Variants in SLC16A13 observed in about 807,000 individuals in gnomAD.
SLC16A13 encodes the protein solute carrier family 16 member 13.
In SLC16A13, 28 loss-of-function variants were observed where a neutral mutation model predicts 28.1. The observed-to-expected ratio is 1.00, with a 90% CI of 0.74 to 1.37. The LOEUF (loss-of-function observed/expected upper bound fraction) is 1.37. Ranked by LOEUF, SLC16A13 falls within the 40% of genes most tolerant of loss-of-function variation. The pLI is 0.00. For synonymous variants in SLC16A13, 228 were observed against 241.6 expected (o/e 0.94, Z 0.52); for missense variants, 482 against 531.8 (o/e 0.91, Z 0.92).
Position 7,038,904 on chromosome 17 carries a change from G to A in SLC16A13, c.1081+15G>A, listed in dbSNP as rs767713519. 4 of 1,590,228 alleles carry A rather than the reference G, an allele frequency of 2.5e-6. No individual in the cohort carries two copies. Among genetic ancestry groups the A allele is most frequent in the Non-Finnish European group, 3.4e-6 (4 of 1,168,508 alleles). On this transcript the variant is annotated intron_variant, in intron 3 of 3. Coordinates refer to ENST00000308027, the MANE Select transcript of SLC16A13 (RefSeq NM_201566.3). This position sits in a 1 kb window ranked among gnomAD's most constrained non-coding sequence, Gnocchi z 5.7. ...TCCTCTCTCAGGTAAGTGGAATGGG[G>A]TTCCCAGGGGGTGAGGGCTGCCATG...
In SLC16A13 at chr17:7,036,734, A is replaced by G. The variant is rs200880566; in HGVS notation, c.207A>G (p.Val69=). ...GIAVQQFGSP[V]GSALSTKFGP... is the part of the protein sequence containing the mutation. ...CCCCTTCCACTTCCTCAGGCCCGGT[A>G]GGCAGTGCCCTGAGCACGAAGTTCG... is the stretch of plus-strand genomic sequence containing the variant. Residue 69 remains valine (V), a synonymous_variant, in exon 2 of 4, where the codon GTA becomes GTG. Transcript: ENST00000308027. 3.1e-6 allele frequency: 5 copies of G among 1,612,642 alleles called. No individual in the cohort carries two copies. In the African/African-American group the frequency reaches 6.7e-5, roughly 22 times the overall value.
At chr17:7,037,778 A>G (rs978659459) in intron 2 of SLC16A13, among the ~76,000 whole-genome samples, 3 of 152,162 alleles carry the variant, frequency 2.0e-5, no homozygotes, top group Admixed American at 6.5e-5. Context: ...TGAAATCGAT[A>G]TCATTATTGG....
chr17:7,036,770 C>G lies in SLC16A13; in HGVS notation c.243C>G (p.Pro81=). The change falls in exon 2 of 4, where the codon CCC becomes CCG. Residue 81 remains proline (P), a synonymous_variant. Transcript: ENST00000308027. ...TGAGCACGAAGTTCGGGCCCAGGCC[C>G]GTGGTGATGACTGGAGGCATCTTGG... ...SALSTKFGPR[P]VVMTGGILAA... is the part of the protein sequence containing the mutation. The G allele has an allele frequency of 6.2e-7, 1 of 1,613,752 alleles. No homozygotes were observed. The highest frequency in any genetic ancestry group is 8.5e-7 in the Non-Finnish European group (1 of 1,180,040).
Position 7,036,543 on chromosome 17 carries a change from G to A in SLC16A13, c.161G>A (p.Trp54Ter), listed in dbSNP as rs747175215. 1 of 1,612,472 alleles carries A rather than the reference G, an allele frequency of 6.2e-7. No individual in the cohort carries two copies. The change falls in exon 1 of 4, where the codon TGG becomes TAG. Residue 54 changes from tryptophan to a stop codon, truncating the protein, a stop_gained. Coordinates refer to ENST00000308027, the MANE Select transcript of SLC16A13 (RefSeq NM_201566.3). LOFTEE classifies it high-confidence loss of function. ...GAGGAGCAGGCAGCGCGCGTCTCCT[G>A]GATCGCCTCCATAGGAATCGCGGTG... is the stretch of plus-strand genomic sequence containing the variant. ...AFEEQAARVS[W>*]IASIGIAVQQ...
At position 7,038,290 on chromosome 17, in the gene SLC16A13, G is replaced by T; in HGVS notation, c.482G>T (p.Trp161Leu). Residue 161 changes from tryptophan (W) to leucine (L), a missense_variant, in exon 3 of 4, where the codon TGG (tryptophan) becomes TTG (leucine). By Grantham distance (61) the Trp-to-Leu change is moderately conservative. Transcript: ENST00000308027. The surrounding 1 kb of genome is among the most constrained non-coding windows in gnomAD (Gnocchi z 5.7). ...SSFTFAPFFQ[W>L]LLSHYAWRGS... The stretch of plus-strand genomic sequence containing the variant: ...TTCACATTTGCCCCCTTTTTCCAGT[G>T]GCTGCTCAGCCACTACGCCTGGAGG... 6.2e-7 allele frequency: 1 copy of T among 1,614,012 alleles called. No homozygotes were observed. Among genetic ancestry groups the T allele is most frequent in the Non-Finnish European group, 8.5e-7 (1 of 1,180,010 alleles).
Position 7,039,170 on chromosome 17 carries a change from C to T in SLC16A13, c.1081+281C>T, listed in dbSNP as rs147894668. 4.7e-3 allele frequency among the ~76,000 whole-genome samples: 716 copies of T among 152,296 alleles called. 7 individuals are homozygous for T. Among genetic ancestry groups the T allele is most frequent in the African/African-American group, 0.015 (643 of 41,556 alleles). On this transcript the variant is annotated intron_variant, in intron 3 of 3. Transcript: ENST00000308027. This position sits in a 1 kb window ranked among gnomAD's most constrained non-coding sequence, Gnocchi z 4.3. Reference sequence around the variant, plus strand: ...CTGGCAGAACCTGGCCAGACACAGACGTAGCATTCCAGTGTGCACCCTTTC... The same window carrying T: ...CTGGCAGAACCTGGCCAGACACAGATGTAGCATTCCAGTGTGCACCCTTTC...
In SLC16A13 at chr17:7,038,862, G is replaced by A. The variant is rs748604375; in HGVS notation, c.1054G>A (p.Gly352Arg). 16 of 1,610,788 alleles carry A rather than the reference G, an allele frequency of 9.9e-6. No homozygotes were observed. The highest frequency in any genetic ancestry group is 4.5e-5 in the East Asian group (2 of 44,876). Residue 352 changes from glycine (G) to arginine (R), a missense_variant, in exon 3 of 4, where the codon GGG becomes AGG. Gly to Arg is a moderately radical substitution (Grantham distance 125, BLOSUM62 -2). Transcript: ENST00000308027. This position sits in a 1 kb window ranked among gnomAD's most constrained non-coding sequence, Gnocchi z 5.7. ...LGLLQMIESIGGLLGPPLSGY... is the reference protein window; with the variant it reads ...LGLLQMIESIRGLLGPPLSGY... ...ACTGTTGCAGATGATAGAGAGCATC[G>A]GGGGGCTGCTGGGGCCTCCTCTCTC...
In SLC16A13 at chr17:7,036,457, G is replaced by T; in HGVS notation, c.75G>T (p.Ala25=). The T allele has an allele frequency of 1.9e-6, 3 of 1,612,330 alleles. No individual in the cohort carries two copies. The highest frequency in any genetic ancestry group is 2.5e-6 in the Non-Finnish European group (3 of 1,180,032). Residue 25 remains alanine (A), a synonymous_variant, in exon 1 of 4, where the codon GCG becomes GCT. Transcript: ENST00000308027. ...TGCTCTCAGCGTTCTTCCAGTCGGC[G>T]CTTGTGTTTGGGGTGCTCCGCTCCT... ...VVVLSAFFQS[A]LVFGVLRSFG... is the part of the protein sequence containing the mutation.
At position 7,036,594 on chromosome 17, in the gene SLC16A13, C is replaced by T. The variant is rs771813794; in HGVS notation, c.199+13C>T. 6.2e-7 allele frequency: 1 copy of T among 1,612,220 alleles called. No individual in the cohort carries two copies. ...CAGCAGTTTGGGAGTGAGTGCGGCG[C>T]CTGGATCTGGCGGACTGCGACCCTC... On this transcript the variant is annotated intron_variant, in intron 1 of 3. Coordinates refer to ENST00000308027, the MANE Select transcript of SLC16A13 (RefSeq NM_201566.3).
At position 7,039,234 on chromosome 17, in the gene SLC16A13, C is replaced by T. The variant is rs1184120434; in HGVS notation, c.1081+345C>T. Among the ~76,000 whole-genome samples, 1 of 152,150 alleles carries T rather than the reference C, an allele frequency of 6.6e-6. No homozygotes were observed. ...GGCCCCAAACCAGGTATCTGAGGCA[C>T]CTGGTCAAAGTTCTGCTGGCTCAGG... is the stretch of plus-strand genomic sequence containing the variant. On this transcript the variant is annotated intron_variant, in intron 3 of 3. Coordinates refer to ENST00000308027, the MANE Select transcript of SLC16A13 (RefSeq NM_201566.3). The surrounding 1 kb of genome is among the most constrained non-coding windows in gnomAD (Gnocchi z 4.3).
Position 7,040,032 on chromosome 17 carries a change from T to G in SLC16A13, c.*70T>G. The G allele has an allele frequency of 7.1e-7, 1 of 1,413,734 alleles. No homozygotes were observed. 87.6% of individuals were successfully genotyped at this position (1,413,734 alleles called of 1,614,324 possible). On this transcript the variant is annotated 3_prime_UTR_variant, in exon 4 of 4. Transcript: ENST00000308027. Reference sequence around the variant, plus strand: ...GGTCTTCTCTTGCCACGTCTTGGTCTCCACAGAACCACAGTGCCTTAAGAT... The same window carrying G: ...GGTCTTCTCTTGCCACGTCTTGGTCGCCACAGAACCACAGTGCCTTAAGAT...
At position 7,038,310 on chromosome 17, in the gene SLC16A13, T is replaced by C. The variant is rs757948603; in HGVS notation, c.502T>C (p.Trp168Arg). 7 of 1,614,126 alleles carry C rather than the reference T, an allele frequency of 4.3e-6. No homozygotes were observed. The South Asian group carries it at 7.7e-5, about 18-fold the overall frequency. ...CCAGTGGCTGCTCAGCCACTACGCC[T>C]GGAGGGGGTCCCTGCTGCTGGTGTC... ...FFQWLLSHYA[W>R]RGSLLLVSAL... The change falls in exon 3 of 4, where the codon TGG (tryptophan) becomes CGG (arginine). Residue 168 changes from tryptophan (W) to arginine (R), a missense_variant. By Grantham distance (101) the Trp-to-Arg change is moderately radical (BLOSUM62 -3). Transcript: ENST00000308027. This position sits in a 1 kb window ranked among gnomAD's most constrained non-coding sequence, Gnocchi z 5.7.
intron 2 of SLC16A13, among the ~76,000 whole-genome samples, chr17:7,037,545 T>C (rs948074761): frequency 1.3e-5 from 2 of 151,470 alleles, no homozygotes; most frequent in African/African-American, 4.9e-5. Flanking sequence ...GCTAACACGG[T>C]GAAATCACGT....
chr17:7,036,686 AC>A (rs748894092), intron 1 of SLC16A13, 40 bp from the exon 2 acceptor site: 13 of 1,605,282 alleles, frequency 8.1e-6, no homozygotes, highest in Non-Finnish European at 1.1e-5. Flanking sequence ...TGGGGGGGAG[AC>A]CCCTGAGATC....
At chr17:7,037,760 T>C (rs1307349692) in intron 2 of SLC16A13, among the ~76,000 whole-genome samples, 4 of 151,004 alleles carry the variant, frequency 2.6e-5, no homozygotes, top group African/African-American at 7.3e-5. Flanking sequence ...TGCTAGGTAC[T>C]GTGACTGTGA....
rs557212614 is a variant in SLC16A13, at chr17:7,037,554, G to A, written c.344-598G>A. 4.0e-5 allele frequency among the ~76,000 whole-genome samples: 6 copies of A among 151,814 alleles called. No individual in the cohort carries two copies. The East Asian group carries it at 7.8e-4, about 20-fold the overall frequency. ...ATCCTGGCTAACACGGTGAAATCAC[G>A]TCTCTACTAAAAACACAAAAAATTA... On this transcript the variant is annotated intron_variant, in intron 2 of 3. Transcript: ENST00000308027.
At chr17:7,037,721 G>T (rs971644716) in intron 2 of SLC16A13, among the ~76,000 whole-genome samples, 6 of 110,772 alleles carry the variant, frequency 5.4e-5, no homozygotes, top group Non-Finnish European at 8.5e-5. Flanking sequence ...GCGAGACTCC[G>T]TCTCAAAAAA....
chr17:7,038,261 C>T lies in SLC16A13; in HGVS notation c.453C>T (p.Ser151=), dbSNP rs1910634045. ...TGGCACTGACAGGCGTGGGCCTCTC[C>T]TCCTTCACATTTGCCCCCTTTTTCC... ...TGLALTGVGL[S]SFTFAPFFQW... The change falls in exon 3 of 4, where the codon TCC becomes TCT. Residue 151 remains serine, a synonymous_variant. Transcript: ENST00000308027. The surrounding 1 kb of genome is among the most constrained non-coding windows in gnomAD (Gnocchi z 5.7). 2 of 1,614,172 alleles carry T rather than the reference C, an allele frequency of 1.2e-6. No individual in the cohort carries two copies. Among genetic ancestry groups the T allele is most frequent in the East Asian group, 4.5e-5 (2 of 44,884 alleles).
In SLC16A13 at chr17:7,038,915, G is replaced by T; in HGVS notation, c.1081+26G>T. 1 of 1,579,684 alleles carries T rather than the reference G, an allele frequency of 6.3e-7. No homozygotes were observed. The highest frequency in any genetic ancestry group is 8.6e-7 in the Non-Finnish European group (1 of 1,164,256). ...GTAAGTGGAATGGGGTTCCCAGGGG[G>T]TGAGGGCTGCCATGTTGCACAACTA... On this transcript the variant is annotated intron_variant, in intron 3 of 3. Transcript: ENST00000308027. The surrounding 1 kb of genome is among the most constrained non-coding windows in gnomAD (Gnocchi z 5.7).
Sources: gnomAD v4.1 joint callset for allele counts (sites outside exome capture counted in the v4.1 genomes callset) on GRCh38, gnomAD v4.1.1 for gene constraint, Gnocchi (gnomAD v3.1) non-coding constraint, MANE v1.5 for transcripts, NCBI Gene and HGNC (gene_info 2026-07-23, HGNC 2026-07-21) for gene names.